The following CDH4 variants were observed in gnomAD, a reference collection of about 807,000 sequenced individuals.
CDH4 encodes the protein cadherin 4.
CDH4 carries 33 observed loss-of-function variants against 86.0 expected under a neutral mutation model. That is an observed-to-expected ratio of 0.38 (90% CI 0.29 to 0.51). The LOEUF is 0.51. Ranked by LOEUF, CDH4 falls within the 20% of genes least tolerant of loss-of-function variation. The pLI is 0.86. For missense variants in CDH4, 1,114 were observed against 1,307.4 expected (o/e 0.85, Z 2.28); for synonymous variants, 555 against 549.4 (o/e 1.01, Z -0.14).
chr20:61,382,537 T>A (rs1372862734), intron 2 of CDH4, among the ~76,000 whole-genome samples: 1 of 152,208 alleles, frequency 6.6e-6, no homozygotes, highest in Non-Finnish European at 1.5e-5. Flanking sequence ...CCAGGGCTGT[T>A]GTGACAAATT....
chr20:61,735,208 GCA>G (rs1361309802), intron 2 of CDH4, among the ~76,000 whole-genome samples: 5 of 152,174 alleles, frequency 3.3e-5, no homozygotes, highest in Non-Finnish European at 5.9e-5. Flanking sequence ...GGCCCCGTGG[GCA>G]CAGAGCTCAG....
At chr20:61,350,095 C>T (rs146038295) in intron 2 of CDH4, among the ~76,000 whole-genome samples, 2,979 of 146,080 alleles carry the variant, frequency 0.02, 63 homozygotes, top group African/African-American at 0.058. Context: ...TCCCACCCAG[C>T]GTCAGGCAGA....
chr20:61,266,129 C>T (rs571459725), intron 2 of CDH4, among the ~76,000 whole-genome samples: 51 of 152,246 alleles, frequency 3.3e-4, no homozygotes, highest in Non-Finnish European at 5.6e-4. Context: ...GAGTGCCGCC[C>T]GCACCTTGCT....
chr20:61,808,561 C>T (rs1192801716), intron 4 of CDH4, among the ~76,000 whole-genome samples: 4 of 152,120 alleles, frequency 2.6e-5, no homozygotes, highest in African/African-American at 4.8e-5. Context: ...TGCTACGTTT[C>T]GGAACATTAA....
chr20:61,669,081 A>G (rs950989915), intron 2 of CDH4, among the ~76,000 whole-genome samples: 18 of 152,340 alleles, frequency 1.2e-4, no homozygotes, highest in African/African-American at 3.4e-4. Flanking sequence ...GGTGCCTGCC[A>G]TAGCCCTGGG....
intron 2 of CDH4, among the ~76,000 whole-genome samples, chr20:61,736,823 C>T (rs2088272192): frequency 6.6e-6 from 1 of 152,132 alleles, no homozygotes. Flanking sequence ...ACAGAAACTC[C>T]ATCCACAACA....
chr20:61,787,021 A>G (rs910249361), intron 4 of CDH4, among the ~76,000 whole-genome samples: 2 of 152,200 alleles, frequency 1.3e-5, no homozygotes, highest in Non-Finnish European at 2.9e-5. Flanking sequence ...TGTGGCCTTC[A>G]TACTTGAGAA....
chr20:61,509,541 G>T (rs1390724595), intron 2 of CDH4, among the ~76,000 whole-genome samples: 1 of 150,168 alleles, frequency 6.7e-6, no homozygotes, highest in Non-Finnish European at 1.5e-5. Context: ...GCGGGAGGAG[G>T]GTTCTTCCCA....
At chr20:61,372,159 G>T (rs76749872) in intron 2 of CDH4, among the ~76,000 whole-genome samples, 1,974 of 152,298 alleles carry the variant, frequency 0.013, 38 homozygotes, top group African/African-American at 0.045. Flanking sequence ...CGTGTGACCT[G>T]TGTGGATGCC....
rs56167173 is a variant in CDH4 at position 61,867,561 on chromosome 20, A to AAAG, written c.878-6166_878-6165insAGA. Among the ~76,000 whole-genome samples, 311 of 142,108 alleles carry AAAG rather than the reference A, an allele frequency of 2.2e-3. 1 individual carries two copies. The highest frequency in any genetic ancestry group is 8.1e-3 in the South Asian group (35 of 4,328). 93.2% of individuals were successfully genotyped at this position (142,108 alleles called of 152,430 possible). A position where few individuals can be genotyped will look rare whatever the true frequency, so the allele number is the denominator to read the frequency against. The stretch of plus-strand genomic sequence containing the variant: ...CAAGACTCCATCCAAAAAAAAAAAA[A>AAAG]AGAGAGAGAGAGAGCTTATGATAAA... On this transcript the variant is annotated intron_variant, in intron 6 of 15. Transcript: ENST00000614565.
At chr20:61,376,582 C>T (rs887703444) in intron 2 of CDH4, among the ~76,000 whole-genome samples, 10 of 152,104 alleles carry the variant, frequency 6.6e-5, no homozygotes, top group Admixed American at 3.3e-4. Flanking sequence ...TTACTCCAGG[C>T]GGAGTTCAGG....
chr20:61,562,071 G>C (rs1333428622), intron 2 of CDH4, among the ~76,000 whole-genome samples: 3 of 147,862 alleles, frequency 2.0e-5, no homozygotes, highest in African/African-American at 7.5e-5. Context: ...CGGAGAGAGA[G>C]AGGGGCCTCC....
intron 2 of CDH4, among the ~76,000 whole-genome samples, chr20:61,693,194 A>G (rs547514135): frequency 6.6e-6 from 1 of 152,316 alleles, no homozygotes; most frequent in Admixed American, 6.5e-5. Context: ...GAAGGCGGGT[A>G]CGAGCAGTCA....
chr20:61,514,712 G>A (rs192041979), intron 2 of CDH4, among the ~76,000 whole-genome samples: 1 of 152,320 alleles, frequency 6.6e-6, no homozygotes, highest in African/African-American at 2.4e-5. Context: ...ATAAGTACAT[G>A]GACATGACCC....
intron 2 of CDH4, among the ~76,000 whole-genome samples, chr20:61,514,665 A>G (rs1219287202): frequency 6.6e-6 from 1 of 152,200 alleles, no homozygotes; most frequent in East Asian, 1.9e-4. Flanking sequence ...TCAAAGGGCC[A>G]TAGGCAAATA....
At chr20:61,295,441 A>T (rs1219303056) in intron 2 of CDH4, among the ~76,000 whole-genome samples, 1 of 152,246 alleles carries the variant, frequency 6.6e-6, no homozygotes, top group Non-Finnish European at 1.5e-5. Flanking sequence ...GTCACCTGGC[A>T]TGGCTGTGAT....
intron 2 of CDH4, among the ~76,000 whole-genome samples, chr20:61,294,037 G>T (rs568656990): frequency 2.6e-5 from 4 of 152,124 alleles, no homozygotes; most frequent in Admixed American, 6.5e-5. Context: ...TGAAGGCCCC[G>T]GCAGGACAGG....
intron 2 of CDH4, among the ~76,000 whole-genome samples, chr20:61,479,376 G>T (rs370614444): frequency 0.014 from 1,830 of 133,630 alleles, 8 homozygotes; most frequent in African/African-American, 0.024. Context: ...AACAGGCCCC[G>T]GTGTGTGATA....
At chr20:61,611,713 G>A (rs2427184) in intron 2 of CDH4, among the ~76,000 whole-genome samples, 34,347 of 152,098 alleles carry the variant, frequency 0.23, 4,113 homozygotes, top group South Asian at 0.34. Context: ...GCCAAACGAG[G>A]CTGTAGCCAA....
Sources: gnomAD v4.1 joint callset for allele counts (sites outside exome capture counted in the v4.1 genomes callset) on GRCh38, gnomAD v4.1.1 for gene constraint, MANE v1.5 for transcripts, NCBI Gene and HGNC (gene_info 2026-07-23, HGNC 2026-07-21) for gene names.